The following CIBAR2 variants were observed in gnomAD, a reference collection of about 807,000 sequenced individuals.
CIBAR2 encodes the protein CBY1-interacting BAR domain-containing protein 2.
A neutral mutation model predicts 36.2 loss-of-function variants in CIBAR2; 38 were observed. The observed-to-expected ratio is 1.05, with a 90% CI of 0.81 to 1.38. CIBAR2 has a LOEUF of 1.38. Ranked by LOEUF, CIBAR2 falls within the 40% of genes most tolerant of loss-of-function variation. The pLI, the probability that CIBAR2 is intolerant of heterozygous loss-of-function variation, is 0.00. For synonymous variants in CIBAR2, 182 were observed against 149.5 expected (o/e 1.22, Z -1.58); for missense variants, 481 against 383.4 (o/e 1.25, Z -2.13).
At chr16:85,101,580 G>A (rs750077540) in intron 7 of CIBAR2, among the ~76,000 whole-genome samples, 1 of 152,142 alleles carries the variant, frequency 6.6e-6, no homozygotes, top group Non-Finnish European at 1.5e-5. Flanking sequence ...AGATCAGAAG[G>A]GGATAAAAAG....
chr16:85,101,529 G>T (rs1309203996), intron 7 of CIBAR2, among the ~76,000 whole-genome samples: 3 of 152,142 alleles, frequency 2.0e-5, no homozygotes, highest in Non-Finnish European at 2.9e-5. Flanking sequence ...TTGCGGAAGG[G>T]TGTTACAGAT....
chr16:85,098,822 A>G lies in CIBAR2; in HGVS notation c.*363T>C, dbSNP rs1287347452. The stretch of plus-strand genomic sequence containing the variant: ...CATCTGATACTCAGCACAGCCCTAC[A>G]CGGAGGTTACTGTTCTAAGCCACTC... On this transcript the variant is annotated 3_prime_UTR_variant, in exon 9 of 9. Coordinates refer to ENST00000539556, the MANE Select transcript of CIBAR2 (RefSeq NM_198491.3). 1 of 225,834 alleles carries G rather than the reference A, an allele frequency of 4.4e-6. No homozygotes were observed. The highest frequency in any genetic ancestry group is 2.3e-5 in the African/African-American group (1 of 42,806). 14.0% of individuals were successfully genotyped at this position (225,834 alleles called of 1,614,324 possible). A position where few individuals can be genotyped will look rare whatever the true frequency, so the allele number is the denominator to read the frequency against.
At chr16:85,105,474 C>T (rs1567559893) in intron 5 of CIBAR2, 43 bp from the exon 6 acceptor site, 2 of 1,433,894 alleles carry the variant, frequency 1.4e-6, no homozygotes, top group South Asian at 1.1e-5. Flanking sequence ...CATGGGGGTG[C>T]TTCTGGCCCT....
chr16:85,099,215 C>G lies in CIBAR2; in HGVS notation c.885G>C (p.Gly295=). 1 of 1,600,254 alleles carries G rather than the reference C, an allele frequency of 6.2e-7. No individual in the cohort carries two copies. The highest frequency in any genetic ancestry group is 8.5e-7 in the Non-Finnish European group (1 of 1,173,918). Residue 295 remains glycine, a synonymous_variant, in exon 9 of 9, where the codon GGG becomes GGC. Coordinates refer to ENST00000539556, the MANE Select transcript of CIBAR2 (RefSeq NM_198491.3). ...QPAHCVCGQG[G]HLMLPGHSL ...GAGAATGTCCTGGAAGCATGAGATGCCCACCCTGCCCACACACACAGTGGG... is the reference window on the plus strand; with the variant it reads ...GAGAATGTCCTGGAAGCATGAGATGGCCACCCTGCCCACACACACAGTGGG...
chr16:85,104,966 G>C (rs560788670), intron 6 of CIBAR2, among the ~76,000 whole-genome samples: 1 of 152,272 alleles, frequency 6.6e-6, no homozygotes, highest in South Asian at 2.1e-4. Flanking sequence ...TTCAGGGAGG[G>C]GGTTTAGAGC....
intron 6 of CIBAR2, among the ~76,000 whole-genome samples, chr16:85,104,281 C>T (rs140938177): frequency 4.6e-5 from 7 of 152,302 alleles, no homozygotes; most frequent in Admixed American, 2.0e-4. Flanking sequence ...CTTGGAGTGC[C>T]GCAGGCAGGA....
In CIBAR2 at chr16:85,112,467, A is replaced by T. The variant is rs2074051021; in HGVS notation, c.-115T>A. 5 of 1,081,910 alleles carry T rather than the reference A, an allele frequency of 4.6e-6. No individual in the cohort carries two copies. The Admixed American group carries it at 7.3e-5, about 16-fold the overall frequency. 67.0% of individuals were successfully genotyped at this position (1,081,910 alleles called of 1,614,324 possible). On this transcript the variant is annotated 5_prime_UTR_variant, in exon 1 of 9. It adds an upstream start codon to the 5' untranslated region. Transcript: ENST00000539556. ...GGTGCAGCTGTGTGGCCTGGGCTCA[A>T]GGGACGCTGCCACCCGGTTGCTAGG...
In CIBAR2 at chr16:85,099,334, C is replaced by A; in HGVS notation, c.766G>T (p.Val256Phe). The stretch of plus-strand genomic sequence containing the variant: ...TCTTCATTTGCCCTACTCAGCTGGA[C>A]CTGCAGAGTTCCCTGCAGAAATATA... ...QSLASQGTLQ[V>F]QLSRANEDPE... Residue 256 changes from valine (V) to phenylalanine (F), a missense_variant, in exon 9 of 9, where the codon GTC becomes TTC. Physicochemically the swap from Val to Phe is conservative, Grantham distance 50 (BLOSUM62 -1). Transcript: ENST00000539556. The A allele has an allele frequency of 6.4e-7, 1 of 1,567,866 alleles. No individual in the cohort carries two copies. The highest frequency in any genetic ancestry group is 8.8e-7 in the Non-Finnish European group (1 of 1,137,876).
chr16:85,105,917 A>C (rs181001663), intron 5 of CIBAR2, among the ~76,000 whole-genome samples: 1 of 152,332 alleles, frequency 6.6e-6, no homozygotes, highest in East Asian at 1.9e-4. Flanking sequence ...TTTTAGAGTC[A>C]AACACCTTGG....
chr16:85,105,286 G>A (rs763947186), intron 6 of CIBAR2, 41 bp downstream of exon 6: 122 of 1,256,256 alleles, frequency 9.7e-5, no homozygotes, highest in Non-Finnish European at 1.3e-4. Flanking sequence ...ACACACACAA[G>A]GCAGCCCAGG....
At chr16:85,111,144 A>C (rs535652170) in intron 1 of CIBAR2, among the ~76,000 whole-genome samples, 5 of 151,846 alleles carry the variant, frequency 3.3e-5, no homozygotes, top group Non-Finnish European at 7.4e-5. Context: ...CCTTTCCCTC[A>C]TCCCCAGCGT....
At chr16:85,111,146 C>T (rs1169033158) in intron 1 of CIBAR2, among the ~76,000 whole-genome samples, 1 of 152,126 alleles carries the variant, frequency 6.6e-6, no homozygotes, top group Admixed American at 6.5e-5. Context: ...TTTCCCTCAT[C>T]CCCAGCGTGT....
At position 85,110,417 on chromosome 16, in the gene CIBAR2, C is replaced by T. The variant is rs9934891; in HGVS notation, c.64G>A (p.Glu22Lys). The T allele has an allele frequency of 3.3e-3, 5,313 of 1,611,810 alleles. 133 individuals are homozygous for T. The African/African-American group carries it at 0.06, about 18-fold the overall frequency. Residue 22 changes from glutamate to lysine, a missense_variant, in exon 2 of 9, where the codon GAG becomes AAG. By Grantham distance (56) the Glu-to-Lys change is moderately conservative (BLOSUM62 1). Transcript: ENST00000539556. Reference sequence around the variant, plus strand: ...GAGCAGAACTGCCCAAAGTACTTCTCGGTGTTGGCCACGGTATTCTCCATC... The same window carrying T: ...GAGCAGAACTGCCCAAAGTACTTCTTGGTGTTGGCCACGGTATTCTCCATC... ...RVMENTVANTEKYFGQFCSLL... is the reference protein window; with the variant it reads ...RVMENTVANTKKYFGQFCSLL...
rs767350357 is a variant in CIBAR2 at position 85,099,195 on chromosome 16, T to C, written c.905A>G (p.His302Arg). Residue 302 changes from histidine (H) to arginine (R), a missense_variant, in exon 9 of 9, where the codon CAT becomes CGT. His to Arg is a conservative substitution (Grantham distance 29, BLOSUM62 0). Transcript: ENST00000539556. ...ACTTACCCTACGTCGTTAGAGAGAA[T>C]GTCCTGGAAGCATGAGATGCCCACC... ...GQGGHLMLPG[H>R]SL is the part of the protein sequence containing the mutation. 3.8e-6 allele frequency: 6 copies of C among 1,579,614 alleles called. No homozygotes were observed. In the East Asian group the frequency reaches 1.1e-4, roughly 30 times the overall value.
chr16:85,099,717 G>C (rs950068384), intron 8 of CIBAR2, among the ~76,000 whole-genome samples: 2 of 150,516 alleles, frequency 1.3e-5, no homozygotes, highest in African/African-American at 4.9e-5. Context: ...TCTGCCTCCT[G>C]GGCTCAAGCG....
At chr16:85,108,498 A>G (rs1362276791) in intron 2 of CIBAR2, among the ~76,000 whole-genome samples, 2 of 152,212 alleles carry the variant, frequency 1.3e-5, no homozygotes, top group African/African-American at 4.8e-5. Flanking sequence ...CCGTCTCCCA[A>G]CTGCCACACA....
intron 5 of CIBAR2, among the ~76,000 whole-genome samples, chr16:85,106,122 A>C (rs1173691258): frequency 1.3e-5 from 2 of 152,192 alleles, no homozygotes; most frequent in Non-Finnish European, 2.9e-5. Context: ...TGTCACTCAA[A>C]TAAATGGCTG....
At chr16:85,099,787 C>T (rs1212135272) in intron 8 of CIBAR2, among the ~76,000 whole-genome samples, 1 of 136,330 alleles carries the variant, frequency 7.3e-6, no homozygotes, top group Non-Finnish European at 1.5e-5. Context: ...CCACACCCGG[C>T]TAATTTTTGC....
At chr16:85,101,033 G>A (rs1248584614) in intron 7 of CIBAR2, among the ~76,000 whole-genome samples, 1 of 148,952 alleles carries the variant, frequency 6.7e-6, no homozygotes, top group Non-Finnish European at 1.5e-5. Flanking sequence ...GCGACACAGC[G>A]AGACTCCGTC....
Sources: gnomAD v4.1 joint callset for allele counts (sites outside exome capture counted in the v4.1 genomes callset) on GRCh38, gnomAD v4.1.1 for gene constraint, MANE v1.5 for transcripts, NCBI Gene and HGNC (gene_info 2026-07-23, HGNC 2026-07-21) for gene names.